CLASP2: variants seen among roughly 807,000 people sequenced by gnomAD.
The protein encoded by CLASP2 is cytoplasmic linker associated protein 2.
CLASP2 carries 47 observed loss-of-function variants against 194.4 expected under a neutral mutation model. The ratio of observed to expected loss-of-function variants is 0.24; its 90% CI spans 0.19 to 0.31. The LOEUF (loss-of-function observed/expected upper bound fraction) is 0.31. CLASP2 is among the 10% of genes least tolerant of loss of function. The pLI is 1.00. For missense variants in CLASP2, 1,445 were observed against 1,823.6 expected, an observed-to-expected ratio of 0.79 and a Z score of 3.78; for synonymous variants, 619 against 633.5, an observed-to-expected ratio of 0.98 and a Z score of 0.34.
intron 32 of CLASP2, among the ~76,000 whole-genome samples, chr3:33,542,568 T>G (rs1301685241): frequency 6.7e-6 from 1 of 150,158 alleles, no homozygotes; most frequent in East Asian, 1.9e-4. Context: ...TACATCATTC[T>G]GAATATGAAA....
chr3:33,676,641 G>A (rs1168457778), intron 6 of CLASP2, among the ~76,000 whole-genome samples: 1 of 152,058 alleles, frequency 6.6e-6, no homozygotes, highest in East Asian at 1.9e-4. Context: ...ACATAGGCAT[G>A]GGCAAGGACT....
chr3:33,631,190 G>A (rs571704466), intron 9 of CLASP2, among the ~76,000 whole-genome samples: 6 of 152,186 alleles, frequency 3.9e-5, no homozygotes, highest in South Asian at 2.1e-4. Flanking sequence ...TCATCATACC[G>A]GTAAAAATAT....
At chr3:33,655,782 G>A (rs903831387) in intron 7 of CLASP2, among the ~76,000 whole-genome samples, 2 of 152,026 alleles carry the variant, frequency 1.3e-5, no homozygotes, top group African/African-American at 2.4e-5. Context: ...TATTAGTTTG[G>A]TGTAGTCCCA....
intron 27 of CLASP2, among the ~76,000 whole-genome samples, chr3:33,566,457 A>G (rs1244789633): frequency 6.6e-6 from 1 of 152,234 alleles, no homozygotes; most frequent in East Asian, 1.9e-4. Flanking sequence ...TATTCGAGCT[A>G]TTACAATTGA....
intron 37 of CLASP2, among the ~76,000 whole-genome samples, chr3:33,505,867 AAC>A (rs989172761): frequency 6.6e-6 from 1 of 152,074 alleles, no homozygotes; most frequent in African/African-American, 2.4e-5. Context: ...CAGCCTAAGC[AAC>A]ATAATAAGAC....
intron 25 of CLASP2, among the ~76,000 whole-genome samples, chr3:33,571,260 G>A (rs866638466): frequency 1.2e-4 from 18 of 147,258 alleles, no homozygotes; most frequent in East Asian, 4.7e-4. Flanking sequence ...TGATCCGCCC[G>A]CCTCAGCCTC....
At chr3:33,637,324 G>A (rs895296744) in intron 8 of CLASP2, among the ~76,000 whole-genome samples, 1 of 152,138 alleles carries the variant, frequency 6.6e-6, no homozygotes. Context: ...TGGAGGTCAG[G>A]AAATCCTGAC....
At position 33,589,895 on chromosome 3, in the gene CLASP2, T is replaced by A. The variant is rs1030389566; in HGVS notation, c.2068+2500A>T. Among the ~76,000 whole-genome samples, 14 of 152,138 alleles carry A rather than the reference T, an allele frequency of 9.2e-5. 1 individual carries two copies. The highest frequency in any genetic ancestry group is 9.2e-4 in the Admixed American group (14 of 15,284). The stretch of plus-strand genomic sequence containing the variant: ...AGAACTAATATCTCACAATTAATTT[T>A]TATCCTTAGACAATGGACATGGAAA... On this transcript the variant is annotated intron_variant, in intron 21 of 38. Transcript: ENST00000682230.
At chr3:33,590,484 G>A (rs186907661) in intron 21 of CLASP2, among the ~76,000 whole-genome samples, 1 of 152,176 alleles carries the variant, frequency 6.6e-6, no homozygotes, top group African/African-American at 2.4e-5. Flanking sequence ...CAGCACATAT[G>A]GAAGCACACG....
chr3:33,514,015 T>C (rs553324235), intron 36 of CLASP2, among the ~76,000 whole-genome samples: 18 of 151,902 alleles, frequency 1.2e-4, no homozygotes, highest in African/African-American at 4.1e-4. Context: ...TGAGACAGAG[T>C]CTTGCTCTGT....
intron 7 of CLASP2, chr3:33,659,500 T>C (rs1211199266): frequency 3.8e-5 from 26 of 685,334 alleles, no homozygotes; most frequent in Non-Finnish European, 4.7e-5. Flanking sequence ...CATCCTTTTG[T>C]CGTTACCTTT....
intron 30 of CLASP2, among the ~76,000 whole-genome samples, chr3:33,550,750 A>C (rs1251547598): frequency 6.6e-6 from 1 of 152,316 alleles, no homozygotes. Context: ...TTGGTATAAA[A>C]GTGAATACCT....
chr3:33,580,109 A>T (rs1157776959), intron 23 of CLASP2, among the ~76,000 whole-genome samples: 1 of 152,166 alleles, frequency 6.6e-6, no homozygotes, highest in East Asian at 1.9e-4. Context: ...CTCCCCACAG[A>T]GGGAAAAGAA....
At chr3:33,546,137 C>T (rs528239898) in intron 30 of CLASP2, among the ~76,000 whole-genome samples, 1 of 152,250 alleles carries the variant, frequency 6.6e-6, no homozygotes, top group Admixed American at 6.5e-5. Context: ...TTAATATATA[C>T]TTTATTCCAT....
At chr3:33,692,576 C>A (rs927924836) in intron 2 of CLASP2, among the ~76,000 whole-genome samples, 1 of 152,108 alleles carries the variant, frequency 6.6e-6, no homozygotes, top group Non-Finnish European at 1.5e-5. Context: ...TTACTAATTA[C>A]AAAACAGAAA....
intron 37 of CLASP2, among the ~76,000 whole-genome samples, chr3:33,508,432 G>A (rs906303665): frequency 7.9e-5 from 12 of 152,070 alleles, no homozygotes; most frequent in African/African-American, 2.7e-4. Flanking sequence ...CCGGGTTCAC[G>A]CCATTCTCCC....
chr3:33,514,981 A>C (rs959016601), intron 36 of CLASP2, among the ~76,000 whole-genome samples: 3 of 152,186 alleles, frequency 2.0e-5, no homozygotes, highest in African/African-American at 7.2e-5. Flanking sequence ...ATGGAAAACC[A>C]AACATCATAT....
chr3:33,698,882 A>C (rs1020117908), intron 1 of CLASP2, among the ~76,000 whole-genome samples: 97 of 152,204 alleles, frequency 6.4e-4, no homozygotes, highest in Non-Finnish European at 2.5e-4. Flanking sequence ...ATCAAGAATA[A>C]AGCATGGAAC....
At position 33,516,803 on chromosome 3, in the gene CLASP2, A is replaced by G. The variant is rs1251984995; in HGVS notation, c.3981+178T>C. On this transcript the variant is annotated intron_variant, in intron 35 of 38. Transcript: ENST00000682230. ...CTTTCATTTTTCCTGTTAATTGTTC[A>G]AAATTGTTGAGCTACTTGGTTTAGA... Among the ~76,000 whole-genome samples the G allele has an allele frequency of 2.6e-5, 4 of 152,326 alleles. No homozygotes were observed. In the East Asian group the frequency reaches 7.7e-4, roughly 29 times the overall value.
Sources: allele counts gnomAD v4.1 joint callset (sites outside exome capture counted in the v4.1 genomes callset), GRCh38; gene constraint gnomAD v4.1.1; transcripts MANE v1.5; gene names NCBI Gene and HGNC (gene_info 2026-07-23, HGNC 2026-07-21).